HMCN1: variants seen among roughly 807,000 people sequenced by gnomAD.
HMCN1 encodes the protein hemicentin-1.
HMCN1 carries 321 observed loss-of-function variants against 625.9 expected under a neutral mutation model. The observed-to-expected ratio is 0.51, with a 90% CI of 0.47 to 0.56. The LOEUF (loss-of-function observed/expected upper bound fraction) is 0.56. HMCN1 is among the 20% of genes least tolerant of loss of function. The pLI, the probability that HMCN1 is intolerant of heterozygous loss-of-function variation, is 0.00. For synonymous variants in HMCN1, 2,425 were observed against 2,417.6 expected, an observed-to-expected ratio of 1.00 and a Z score of -0.09; for missense variants, 6,588 against 6,887.3, an observed-to-expected ratio of 0.96 and a Z score of 1.54.
intron 48 of HMCN1, among the ~76,000 whole-genome samples, chr1:186,063,465 G>T (rs183116340): frequency 1.3e-5 from 1 of 76,406 alleles, no homozygotes. Flanking sequence ...AAGGAAGGAA[G>T]GAAGGAAGGA....
intron 106 of HMCN1, among the ~76,000 whole-genome samples, chr1:186,188,849 T>C (rs928253755): frequency 6.6e-5 from 10 of 152,200 alleles, no homozygotes; most frequent in Non-Finnish European, 1.3e-4. Context: ...CTAAAAATAC[T>C]ATTACTGAAG....
rs544623457 is a variant in HMCN1 at position 186,016,993 on chromosome 1, C to T, written c.5222C>T (p.Thr1741Ile). Residue 1741 changes from threonine (T) to isoleucine (I), a missense_variant, in exon 33 of 107, where the codon ACA (threonine) becomes ATA (isoleucine). Thr to Ile is a moderately conservative substitution (Grantham distance 89). Coordinates refer to ENST00000271588, the MANE Select transcript of HMCN1 (RefSeq NM_031935.3). ...VPPAIEGGDE[T>I]SYFIVMVNNL... ...CCAGCTATAGAAGGAGGAGATGAAA[C>T]ATCTTACTTCATTGTGATGGTTAAT... 4.9e-5 allele frequency: 79 copies of T among 1,607,194 alleles called. 2 individuals are homozygous for T. In the South Asian group the frequency reaches 8.1e-4, roughly 17 times the overall value.
chr1:186,046,244 G>A (rs144521433), intron 41 of HMCN1, among the ~76,000 whole-genome samples: 3,800 of 152,196 alleles, frequency 0.025, 154 homozygotes, highest in African/African-American at 0.085. Flanking sequence ...CAAGGTGGGC[G>A]GACCACTTGA....
intron 28 of HMCN1, 130 bp downstream of exon 28, chr1:186,001,871 T>G: frequency 1.2e-6 from 1 of 805,022 alleles, no homozygotes; most frequent in Non-Finnish European, 2.0e-6. Flanking sequence ...TCTATTATTT[T>G]TGTCCTTATT....
At chr1:186,087,166 G>C in intron 58 of HMCN1, 51 bp from the exon 59 acceptor site, 10 of 1,150,338 alleles carry the variant, frequency 8.7e-6, no homozygotes, top group Non-Finnish European at 1.3e-5. Context: ...TAAAATAGTT[G>C]TTAGAACAAC....
chr1:186,075,661 G>T (rs1048991926), intron 53 of HMCN1, among the ~76,000 whole-genome samples: 3 of 152,024 alleles, frequency 2.0e-5, no homozygotes, highest in African/African-American at 7.2e-5. Flanking sequence ...TATTCGACAT[G>T]ATTTTTAATA....
chr1:186,090,462 A>T (rs985096876), intron 63 of HMCN1, among the ~76,000 whole-genome samples: 3 of 151,954 alleles, frequency 2.0e-5, no homozygotes, highest in Non-Finnish European at 2.9e-5. Flanking sequence ...TGTACTATCC[A>T]TTGAGGATTT....
intron 64 of HMCN1, among the ~76,000 whole-genome samples, chr1:186,092,179 T>G (rs768503475): frequency 1.3e-4 from 20 of 151,988 alleles, no homozygotes; most frequent in Admixed American, 1.3e-4. Context: ...TCTTTTATCT[T>G]TATTATTCAT....
rs1650818673 is a variant in HMCN1, at chr1:186,153,782, T to C, written c.15051T>C (p.Pro5017=). 1.9e-6 allele frequency: 3 copies of C among 1,614,052 alleles called. No individual in the cohort carries two copies. The highest frequency in any genetic ancestry group is 1.3e-5 in the African/African-American group (1 of 74,934). ...CAGAGGACTACATTCAAACAGGTCC[T>C]GGGCAGCTGTACGCCTACTCAACCC... The part of the protein sequence containing the change: ...DYTEDYIQTG[P]GQLYAYSTRL... Residue 5017 remains proline (P), a synonymous_variant, in exon 97 of 107, where the codon CCT becomes CCC. Coordinates refer to ENST00000271588, the MANE Select transcript of HMCN1 (RefSeq NM_031935.3).
At chr1:185,827,371 A>C (rs1043114027) in intron 1 of HMCN1, among the ~76,000 whole-genome samples, 1 of 152,224 alleles carries the variant, frequency 6.6e-6, no homozygotes, top group Admixed American at 6.5e-5. Flanking sequence ...GTGTTTATGA[A>C]GGATGAATGC....
At position 185,865,721 on chromosome 1, in the gene HMCN1, T is replaced by G; in HGVS notation, c.499-20T>G. ...TCTGGAAACCCTTTACACTGTTTCTTTTTTTTTTTTTAATCATAGGTCGTA... is the reference window on the plus strand; with the variant it reads ...TCTGGAAACCCTTTACACTGTTTCTGTTTTTTTTTTTAATCATAGGTCGTA... On this transcript the variant is annotated intron_variant, in intron 3 of 106. Transcript: ENST00000271588. 7.5e-7 allele frequency: 1 copy of G among 1,332,360 alleles called. No individual in the cohort carries two copies. The highest frequency in any genetic ancestry group is 1.4e-5 in the South Asian group (1 of 73,094). The allele number at this position is 1,332,360 out of a possible 1,614,324, so 82.5% of individuals were successfully genotyped here. A position where few individuals can be genotyped will look rare whatever the true frequency, so the allele number is the denominator to read the frequency against.
intron 1 of HMCN1, among the ~76,000 whole-genome samples, chr1:185,746,405 T>G (rs1422671074): frequency 1.3e-5 from 2 of 152,170 alleles, no homozygotes; most frequent in Non-Finnish European, 2.9e-5. Flanking sequence ...CTCACAGTTC[T>G]AGAGGCTGGA....
intron 97 of HMCN1, among the ~76,000 whole-genome samples, chr1:186,156,997 A>G (rs1271411293): frequency 6.6e-6 from 1 of 152,184 alleles, no homozygotes; most frequent in Non-Finnish European, 1.5e-5. Context: ...GAAAATCTTT[A>G]CACCCATTAA....
At chr1:186,040,977 G>A (rs760181426) in intron 39 of HMCN1, 36 bp from the exon 40 acceptor site, 4 of 1,608,550 alleles carry the variant, frequency 2.5e-6, no homozygotes, top group African/African-American at 2.7e-5. Context: ...CATTCTCAGA[G>A]ACATATTGGT....
At chr1:185,782,732 C>T (rs539876584) in intron 1 of HMCN1, among the ~76,000 whole-genome samples, 7 of 152,188 alleles carry the variant, frequency 4.6e-5, no homozygotes, top group African/African-American at 1.4e-4. Context: ...GTCTGATGGG[C>T]TTCCCTTTGT....
rs1656023270 is a variant in HMCN1, at chr1:186,038,983, A to G, written c.6006A>G (p.Leu2002=). The change falls in exon 38 of 107, where the codon TTA becomes TTG. Residue 2002 remains leucine (L), a synonymous_variant. Transcript: ENST00000271588. ...VAINSAGATE[L]FYSLQVHVAP... is the part of the protein sequence containing the mutation. ...TCAACTCAGCTGGAGCTACAGAGTT[A>G]TTTTACAGTCTGCAAGTTCATGGTT... 6.2e-7 allele frequency: 1 copy of G among 1,612,602 alleles called. No homozygotes were observed. Among genetic ancestry groups the G allele is most frequent in the Non-Finnish European group, 8.5e-7 (1 of 1,178,756 alleles).
chr1:185,741,349 T>G (rs1457021258), intron 1 of HMCN1, among the ~76,000 whole-genome samples: 1 of 151,982 alleles, frequency 6.6e-6, no homozygotes, highest in Admixed American at 6.5e-5. Context: ...TGATAAAGGG[T>G]GGTAGGATGA....
chr1:186,174,527 T>C lies in HMCN1; in HGVS notation c.15828T>C (p.Cys5276=), dbSNP rs571125128. 25 of 1,613,872 alleles carry C rather than the reference T, an allele frequency of 1.5e-5. No individual in the cohort carries two copies. In the South Asian group the frequency reaches 2.5e-4, roughly 16 times the overall value. The change falls in exon 103 of 107, where the codon TGT becomes TGC. Residue 5276 remains cysteine, a synonymous_variant. Transcript: ENST00000271588. ...CCATGTCTGTAGATATTGATGAATG[T>C]AAAGATGGGACCCATCAGTGCAGAT... ...ENGTCIDIDE[C]KDGTHQCRYN...
At chr1:186,171,165 C>G (rs1652208135) in intron 100 of HMCN1, among the ~76,000 whole-genome samples, 172 bp from the exon 101 acceptor site, 1 of 152,078 alleles carries the variant, frequency 6.6e-6, no homozygotes, top group Admixed American at 6.6e-5. Flanking sequence ...GATACCCTCT[C>G]CAACAATTAA....
Sources: allele counts gnomAD v4.1 joint callset (sites outside exome capture counted in the v4.1 genomes callset), GRCh38; gene constraint gnomAD v4.1.1; transcripts MANE v1.5; gene names NCBI Gene and HGNC (gene_info 2026-07-23, HGNC 2026-07-21).